The following ZFPM2 variants were observed in gnomAD, a reference collection of about 807,000 sequenced individuals.
ZFPM2 encodes the protein zinc finger protein ZFPM2.
ZFPM2 carries 20 observed loss-of-function variants against 98.6 expected under a neutral mutation model. That is an observed-to-expected ratio of 0.20 (90% CI 0.14 to 0.29). The LOEUF is 0.29. Ranked by LOEUF, ZFPM2 falls within the 10% of genes least tolerant of loss-of-function variation. ZFPM2 has a pLI of 1.00. For missense variants in ZFPM2, 1,310 were observed against 1,388.6 expected (o/e 0.94, Z 0.90); for synonymous variants, 518 against 502.7 (o/e 1.03, Z -0.41).
At chr8:105,508,264 C>A (rs1813743023) in intron 3 of ZFPM2, among the ~76,000 whole-genome samples, 1 of 152,102 alleles carries the variant, frequency 6.6e-6, no homozygotes, top group African/African-American at 2.4e-5. Flanking sequence ...AGTTTCCTGG[C>A]CGTGTCACTA....
intron 4 of ZFPM2, among the ~76,000 whole-genome samples, chr8:105,579,053 T>C (rs1434362284): frequency 4.6e-5 from 7 of 152,088 alleles, no homozygotes; most frequent in African/African-American, 1.7e-4. Flanking sequence ...TGGCATATAA[T>C]GACACGTGGA....
intron 3 of ZFPM2, among the ~76,000 whole-genome samples, chr8:105,471,770 A>C (rs2130349760): frequency 6.6e-6 from 1 of 152,344 alleles, no homozygotes; most frequent in South Asian, 2.1e-4. Flanking sequence ...TTTATTGCTA[A>C]GAATTTCAGT....
At chr8:105,356,816 T>C (rs750128632) in intron 1 of ZFPM2, among the ~76,000 whole-genome samples, 47 of 152,150 alleles carry the variant, frequency 3.1e-4, no homozygotes, top group Non-Finnish European at 6.2e-4. Context: ...TGCCTGCCTT[T>C]TCGAGAAGTG....
At chr8:105,742,794 G>A (rs1262261455) in intron 5 of ZFPM2, among the ~76,000 whole-genome samples, 1 of 151,998 alleles carries the variant, frequency 6.6e-6, no homozygotes, top group Non-Finnish European at 1.5e-5. Flanking sequence ...TCTGGAGGCT[G>A]AGGCAGGAGA....
intron 6 of ZFPM2, among the ~76,000 whole-genome samples, chr8:105,794,374 C>T (rs1277113122): frequency 3.9e-5 from 6 of 152,168 alleles, no homozygotes; most frequent in East Asian, 1.9e-4. Context: ...GTAGCAGCAG[C>T]GGTGTCTGCA....
At chr8:105,601,031 A>AG (rs1429001908) in intron 4 of ZFPM2, among the ~76,000 whole-genome samples, 1 of 152,118 alleles carries the variant, frequency 6.6e-6, no homozygotes, top group Non-Finnish European at 1.5e-5. Context: ...AGTCTAACAG[A>AG]GTTCAGTGAC....
intron 3 of ZFPM2, among the ~76,000 whole-genome samples, chr8:105,480,511 C>CT (rs1464347209): frequency 1.3e-5 from 2 of 152,216 alleles, no homozygotes; most frequent in Non-Finnish European, 2.9e-5. Context: ...AATTTCTACT[C>CT]TTTCCTTTTA....
At chr8:105,514,003 C>CTT (rs111594419) in intron 3 of ZFPM2, among the ~76,000 whole-genome samples, 54,952 of 140,538 alleles carry the variant, frequency 0.39, 12,900 homozygotes, top group African/African-American at 0.68. Context: ...TCCGGAGTGT[C>CTT]TTTTTTTTTT....
At chr8:105,534,089 C>CCCTT (rs1814380047) in intron 3 of ZFPM2, among the ~76,000 whole-genome samples, 1 of 23,320 alleles carries the variant, frequency 4.3e-5, no homozygotes, top group East Asian at 1.2e-3. Flanking sequence ...CCATCTTCCT[C>CCCTT]CCTCCCTCCC....
At chr8:105,584,207 T>C (rs1242040968) in intron 4 of ZFPM2, among the ~76,000 whole-genome samples, 1 of 152,166 alleles carries the variant, frequency 6.6e-6, no homozygotes, top group East Asian at 1.9e-4. Flanking sequence ...AAAAATAACA[T>C]AATTGTAGTA....
In ZFPM2 at chr8:105,803,650, A is replaced by G. The variant is rs1814117538; in HGVS notation, c.*112A>G. On this transcript the variant is annotated 3_prime_UTR_variant, in exon 8 of 8. Coordinates refer to ENST00000407775, the MANE Select transcript of ZFPM2 (RefSeq NM_012082.4). ...CATCTGGGCAATCAGGAGATAATTC[A>G]TTATGGCTGAGTTGAAGACTTAAGG... 1 of 1,074,256 alleles carries G rather than the reference A, an allele frequency of 9.3e-7. No individual in the cohort carries two copies. The highest frequency in any genetic ancestry group is 1.4e-6 in the Non-Finnish European group (1 of 736,280). 66.5% of individuals were successfully genotyped at this position (1,074,256 alleles called of 1,614,324 possible). A position where few individuals can be genotyped will look rare whatever the true frequency, so the allele number is the denominator to read the frequency against.
At chr8:105,549,599 ATCTC>A (rs368339123) in intron 3 of ZFPM2, among the ~76,000 whole-genome samples, 1,251 of 77,810 alleles carry the variant, frequency 0.016, 22 homozygotes, top group African/African-American at 0.057. Context: ...TCCTTCCTCT[ATCTC>A]TCTCTCTCTC....
chr8:105,726,222 T>C (rs1472671775), intron 5 of ZFPM2, among the ~76,000 whole-genome samples: 1 of 151,646 alleles, frequency 6.6e-6, no homozygotes, highest in Non-Finnish European at 1.5e-5. Flanking sequence ...TTAATAAGAA[T>C]TATTTGGAGA....
chr8:105,499,636 T>TC (rs1307460185), intron 3 of ZFPM2, among the ~76,000 whole-genome samples: 1 of 152,130 alleles, frequency 6.6e-6, no homozygotes, highest in Non-Finnish European at 1.5e-5. Flanking sequence ...TTCTTTCATA[T>TC]CCCACAGATA....
intron 4 of ZFPM2, among the ~76,000 whole-genome samples, chr8:105,593,318 G>A (rs1394564369): frequency 6.6e-6 from 1 of 151,940 alleles, no homozygotes; most frequent in African/African-American, 2.4e-5. Context: ...GAATTTTAAT[G>A]AGGCATAATA....
In ZFPM2 at chr8:105,513,796, G is replaced by A. The variant is rs182708723; in HGVS notation, c.302-47567G>A. Among the ~76,000 whole-genome samples, 7 of 152,254 alleles carry A rather than the reference G, an allele frequency of 4.6e-5. No individual in the cohort carries two copies. In the East Asian group the frequency reaches 1.3e-3, roughly 29 times the overall value. On this transcript the variant is annotated intron_variant, in intron 3 of 7. Transcript: ENST00000407775. ...AGAATATTTAAACATTTTATATGGT[G>A]CTAACATTCTATTTCATTAATGTAT...
chr8:105,402,017 T>A (rs1806768477), intron 1 of ZFPM2, among the ~76,000 whole-genome samples: 1 of 152,100 alleles, frequency 6.6e-6, no homozygotes, highest in South Asian at 2.1e-4. Context: ...ATTTTTTGTT[T>A]CCTCAATATG....
intron 5 of ZFPM2, among the ~76,000 whole-genome samples, chr8:105,649,807 A>G (rs1817130003): frequency 6.6e-6 from 1 of 152,132 alleles, no homozygotes; most frequent in African/African-American, 2.4e-5. Context: ...GGATTTTTGC[A>G]TCAATGTTCA....
intron 1 of ZFPM2, among the ~76,000 whole-genome samples, chr8:105,340,443 C>G (rs1812406234): frequency 6.6e-6 from 1 of 151,852 alleles, no homozygotes; most frequent in South Asian, 2.1e-4. Flanking sequence ...GAAACTCTGG[C>G]AATCATATAC....
Sources: allele counts gnomAD v4.1 joint callset (sites outside exome capture counted in the v4.1 genomes callset), GRCh38; gene constraint gnomAD v4.1.1; transcripts MANE v1.5; gene names NCBI Gene and HGNC (gene_info 2026-07-23, HGNC 2026-07-21).